The following METTL21A variants were observed in gnomAD, a reference collection of about 807,000 sequenced individuals.
METTL21A encodes protein N-lysine methyltransferase METTL21A.
In METTL21A, 22 loss-of-function variants were observed where a neutral mutation model predicts 20.9. The ratio of observed to expected loss-of-function variants is 1.05; its 90% CI spans 0.75 to 1.50. The LOEUF (loss-of-function observed/expected upper bound fraction) is 1.50, where lower values mean the gene tolerates loss of function less well. Ranked by LOEUF, METTL21A falls within the 40% of genes most tolerant of loss-of-function variation. The pLI is 0.00. For synonymous variants in METTL21A, 93 were observed against 102.0 expected (o/e 0.91, Z 0.53); for missense variants, 271 against 266.8 (o/e 1.02, Z -0.11).
At chr2:207,620,648 G>T (rs780864204) in intron 3 of METTL21A, 2 of 1,534,460 alleles carry the variant, frequency 1.3e-6, no homozygotes, top group Non-Finnish European at 1.7e-6. Context: ...CACCTGAAAA[G>T]AATAAAAGGC....
downstream of METTL21A, chr2:207,610,825 C>CG: frequency 3.3e-5 from 1 of 29,878 alleles, no homozygotes; most frequent in Non-Finnish European, 6.2e-5. Context: ...CCAGCCGCCC[C>CG]ATCCGGGAGG....
chr2:207,625,513 G>A (rs2091019114), upstream of METTL21A: 1 of 152,300 alleles, frequency 6.6e-6, no homozygotes, highest in South Asian at 2.1e-4. Flanking sequence ...TTTCCCTCGT[G>A]CGTCCCCAGG....
At chr2:207,592,578 A>G (rs2085269451) in intron 3 of METTL21A, among the ~76,000 whole-genome samples, 1 of 151,628 alleles carries the variant, frequency 6.6e-6, no homozygotes, top group Non-Finnish European at 1.5e-5. Context: ...TCCCCACCAT[A>G]TTTATCTTAT....
At chr2:207,609,760 G>T (rs1274120429), downstream of METTL21A, 1 of 96,266 alleles carries the variant, frequency 1.0e-5, no homozygotes, top group African/African-American at 4.5e-5. Flanking sequence ...ACTTGAAATA[G>T]AAAACCTATT....
chr2:207,613,703 G>C (rs1245169563), intron 3 of METTL21A, among the ~76,000 whole-genome samples: 2 of 152,240 alleles, frequency 1.3e-5, no homozygotes, highest in African/African-American at 2.4e-5. Context: ...TGCAGAATTG[G>C]CTGGGTGTGG....
intron 3 of METTL21A, chr2:207,597,233 TC>T (rs1213233489): frequency 4.9e-6 from 3 of 610,988 alleles, no homozygotes; most frequent in Non-Finnish European, 7.7e-6. Flanking sequence ...CTGTGAATGT[TC>T]CAACACCTGC....
intron 3 of METTL21A, 58 bp downstream of exon 3, chr2:207,621,748 C>G: frequency 6.9e-7 from 1 of 1,449,486 alleles, no homozygotes; most frequent in South Asian, 1.1e-5. Context: ...GCTAAGAAAA[C>G]AGCAAATGCA....
At chr2:207,600,751 G>A (rs1185060619) in intron 3 of METTL21A, 8 of 210,530 alleles carry the variant, frequency 3.8e-5, no homozygotes, top group African/African-American at 2.3e-5. Flanking sequence ...CCCATCAGAT[G>A]TCATCTGGCT....
intron 3 of METTL21A, chr2:207,602,069 T>A (rs1559095598): frequency 4.9e-6 from 1 of 205,000 alleles, no homozygotes; most frequent in African/African-American, 2.3e-5. Flanking sequence ...TGAAGTTCCA[T>A]CTGTCTCATC....
chr2:207,582,795 A>G, intron 3 of METTL21A: 1 of 286,310 alleles, frequency 3.5e-6, no homozygotes, highest in African/African-American at 2.3e-5. Flanking sequence ...CAGGCGGCTG[A>G]GGCAGAAGAA....
At chr2:207,585,915 A>C (rs2083737351) in intron 3 of METTL21A, among the ~76,000 whole-genome samples, 1 of 152,198 alleles carries the variant, frequency 6.6e-6, no homozygotes, top group Non-Finnish European at 1.5e-5. Flanking sequence ...GAGTGCCACA[A>C]GGAGAAAATA....
intron 3 of METTL21A, chr2:207,597,888 T>G (rs372808746): frequency 2.4e-4 from 46 of 188,804 alleles, no homozygotes; most frequent in African/African-American, 1.0e-3. Flanking sequence ...AAAATGCTGA[T>G]CAGTAAACCA....
At chr2:207,603,280 G>T in intron 3 of METTL21A, 1 of 221,782 alleles carries the variant, frequency 4.5e-6, no homozygotes. Context: ...AATAGTAGCA[G>T]TTGCTTTGTA....
At chr2:207,608,048 A>G (rs1459736452), downstream of METTL21A, among the ~76,000 whole-genome samples, 1 of 152,014 alleles carries the variant, frequency 6.6e-6, no homozygotes. Flanking sequence ...GATGGCTCCC[A>G]ACTGACTCCC....
intron 3 of METTL21A, among the ~76,000 whole-genome samples, chr2:207,592,618 C>G (rs1020230731): frequency 1.3e-5 from 2 of 152,066 alleles, no homozygotes; most frequent in South Asian, 2.1e-4. Context: ...TGGTGTCTGT[C>G]ATTAATTTTA....
chr2:207,588,128 C>A (rs1404742943), intron 3 of METTL21A, among the ~76,000 whole-genome samples: 1 of 23,978 alleles, frequency 4.2e-5, no homozygotes, highest in African/African-American at 8.6e-5. Context: ...AAATCAATAT[C>A]ACACAGACTT....
intron 3 of METTL21A, among the ~76,000 whole-genome samples, chr2:207,595,148 AC>A (rs1016727469): frequency 5.3e-5 from 8 of 151,464 alleles, no homozygotes; most frequent in African/African-American, 1.9e-4. Flanking sequence ...GGCACCCACC[AC>A]CATACCTGGC....
At chr2:207,596,815 G>C in intron 3 of METTL21A, 1 of 1,340,292 alleles carries the variant, frequency 7.5e-7, no homozygotes, top group Non-Finnish European at 1.0e-6. Flanking sequence ...AATGTTGGTT[G>C]CTGTGAGCTA....
At chr2:207,585,303 C>A (rs2083623261) in intron 3 of METTL21A, among the ~76,000 whole-genome samples, 1 of 152,176 alleles carries the variant, frequency 6.6e-6, no homozygotes, top group African/African-American at 2.4e-5. Context: ...ATCATAGATG[C>A]CATGAGAGAA....
Sources: allele counts gnomAD v4.1 joint callset (sites outside exome capture counted in the v4.1 genomes callset), GRCh38; gene constraint gnomAD v4.1.1; transcripts MANE v1.5; gene names NCBI Gene and HGNC (gene_info 2026-07-23, HGNC 2026-07-21).